Variants in VPS50 observed in about 807,000 individuals in gnomAD.
The protein encoded by VPS50 is syndetin.
VPS50 carries 70 observed loss-of-function variants against 139.7 expected under a neutral mutation model. The observed-to-expected ratio is 0.50, with a 90% CI of 0.41 to 0.61. The LOEUF (loss-of-function observed/expected upper bound fraction) is 0.61, where lower values mean the gene tolerates loss of function less well. Among genes scored for constraint, VPS50 ranks in the 20% least tolerant of loss-of-function variants. The pLI, the probability that VPS50 is intolerant of heterozygous loss-of-function variation, is 0.00. For synonymous variants in VPS50, 365 were observed against 376.7 expected (o/e 0.97, Z 0.36); for missense variants, 921 against 1,133.7 (o/e 0.81, Z 2.69).
intron 25 of VPS50, among the ~76,000 whole-genome samples, chr7:93,351,035 G>A (rs1427874553): frequency 6.6e-6 from 1 of 152,134 alleles, no homozygotes; most frequent in Non-Finnish European, 1.5e-5. Context: ...TTAAAATAGA[G>A]ATGGTAATGG....
chr7:93,357,854 G>C (rs903020527), intron 27 of VPS50, among the ~76,000 whole-genome samples: 1 of 151,910 alleles, frequency 6.6e-6, no homozygotes, highest in Non-Finnish European at 1.5e-5. Context: ...TTCATTTGTT[G>C]TATCTTAGAA....
At chr7:93,283,437 T>C (rs1796389605) in intron 12 of VPS50, among the ~76,000 whole-genome samples, 1 of 152,068 alleles carries the variant, frequency 6.6e-6, no homozygotes, top group Admixed American at 6.6e-5. Flanking sequence ...GGTTTCACCA[T>C]GTTGGTCAGG....
At chr7:93,268,785 A>G (rs1034700963) in intron 9 of VPS50, among the ~76,000 whole-genome samples, 7 of 151,962 alleles carry the variant, frequency 4.6e-5, no homozygotes, top group Admixed American at 2.6e-4. Context: ...TGCTATTCAC[A>G]TGTCTTTGTT....
At chr7:93,346,222 C>G (rs1373567861) in intron 23 of VPS50, among the ~76,000 whole-genome samples, 1 of 152,166 alleles carries the variant, frequency 6.6e-6, no homozygotes, top group East Asian at 1.9e-4. Context: ...CTCCCATTCA[C>G]AATTGCTTCA....
At chr7:93,262,754 G>A (rs1232506912) in intron 9 of VPS50, among the ~76,000 whole-genome samples, 3 of 152,156 alleles carry the variant, frequency 2.0e-5, no homozygotes, top group Admixed American at 2.0e-4. Context: ...TAGCCCCTCC[G>A]CTAGCATTTC....
chr7:93,236,832 T>G (rs543185604), intron 1 of VPS50, among the ~76,000 whole-genome samples: 2 of 152,012 alleles, frequency 1.3e-5, no homozygotes, highest in African/African-American at 4.8e-5. Flanking sequence ...AGGAAAGCAT[T>G]TCTGTCATAA....
In VPS50 at chr7:93,303,459, G is replaced by A; in HGVS notation, c.1362-1G>A. ...TGGAGTGTTCATTTTCTTTTTTTAA[G>A]AACACGGCTCGATGAACTGAGAATG... On this transcript the variant is annotated splice_acceptor_variant, in intron 16 of 27. Coordinates refer to ENST00000305866, the MANE Select transcript of VPS50 (RefSeq NM_017667.4). LOFTEE classifies it high-confidence loss of function. 6.5e-7 allele frequency: 1 copy of A among 1,529,964 alleles called. No individual in the cohort carries two copies. The highest frequency in any genetic ancestry group is 8.9e-7 in the Non-Finnish European group (1 of 1,117,468). The allele number at this position is 1,529,964 out of a possible 1,614,324, so 94.8% of individuals were successfully genotyped here.
At chr7:93,242,422 T>C (rs1795020954) in intron 2 of VPS50, among the ~76,000 whole-genome samples, 1 of 151,856 alleles carries the variant, frequency 6.6e-6, no homozygotes, top group Admixed American at 6.6e-5. Flanking sequence ...ATACAACCTT[T>C]TAAAAATGGT....
intron 9 of VPS50, 174 bp from the exon 10 acceptor site, chr7:93,271,046 C>G: frequency 1.0e-6 from 1 of 989,370 alleles, no homozygotes; most frequent in Non-Finnish European, 1.3e-6. Flanking sequence ...GACTCTTATT[C>G]CCTTCTAATA....
intron 23 of VPS50, among the ~76,000 whole-genome samples, chr7:93,347,904 C>T (rs1450389024): frequency 6.6e-6 from 1 of 150,770 alleles, no homozygotes; most frequent in Middle Eastern, 3.2e-3. Flanking sequence ...TGCAGCGCAC[C>T]AGCATGGCAC....
Position 93,239,919 on chromosome 7 carries a change from C to G in VPS50, c.87C>G (p.Leu29=). Residue 29 remains leucine, a synonymous_variant, in exon 2 of 28, where the codon CTC becomes CTG. Coordinates refer to ENST00000305866, the MANE Select transcript of VPS50 (RefSeq NM_017667.4). The part of the protein sequence containing the change: ...SLSDLGAIES[L]RVPGKEEFRE... ...GTGATCTTGGTGCCATAGAGAGTCT[C>G]CGGGTCCCTGGAAAGGTATTGAGCT... The G allele has an allele frequency of 6.2e-7, 1 of 1,602,130 alleles. No individual in the cohort carries two copies. The highest frequency in any genetic ancestry group is 8.5e-7 in the Non-Finnish European group (1 of 1,169,600).
intron 2 of VPS50, among the ~76,000 whole-genome samples, chr7:93,245,215 T>C (rs1179590398): frequency 6.6e-6 from 1 of 151,716 alleles, no homozygotes; most frequent in Non-Finnish European, 1.5e-5. Flanking sequence ...GGGTGAGTTG[T>C]TGAGTAGAGG....
At chr7:93,257,509 T>G in intron 6 of VPS50, 45 bp downstream of exon 6, 1 of 1,038,438 alleles carries the variant, frequency 9.6e-7, no homozygotes, top group East Asian at 2.4e-5. Context: ...GAACAATATT[T>G]CAAGAATAAC....
At chr7:93,347,860 A>G (rs1798446435) in intron 23 of VPS50, among the ~76,000 whole-genome samples, 1 of 150,488 alleles carries the variant, frequency 6.6e-6, no homozygotes. Flanking sequence ...TAGCACTGGG[A>G]GATATACCTA....
Position 93,271,264 on chromosome 7 carries a change from T to C in VPS50, c.702+2T>C. The C allele has an allele frequency of 6.4e-7, 1 of 1,559,078 alleles. No homozygotes were observed. Among genetic ancestry groups the C allele is most frequent in the Non-Finnish European group, 8.6e-7 (1 of 1,159,922 alleles). On this transcript the variant is annotated splice_donor_variant, in intron 10 of 27. Transcript: ENST00000305866. LOFTEE classifies it high-confidence loss of function. Reference sequence around the variant, plus strand: ...CAAGATACTTTGGAACAGATTGAGGTAAGAAGTATTATATCCTAACCTTAA... The same window carrying C: ...CAAGATACTTTGGAACAGATTGAGGCAAGAAGTATTATATCCTAACCTTAA...
chr7:93,335,207 T>C (rs933313340), intron 22 of VPS50, among the ~76,000 whole-genome samples: 1 of 152,168 alleles, frequency 6.6e-6, no homozygotes, highest in Non-Finnish European at 1.5e-5. Flanking sequence ...CAGATACTCA[T>C]GAGTACTAAG....
chr7:93,310,151 G>A (rs985459085), intron 19 of VPS50, among the ~76,000 whole-genome samples: 2 of 152,042 alleles, frequency 1.3e-5, no homozygotes, highest in African/African-American at 4.8e-5. Context: ...GAATTGAAAT[G>A]TACAAGTAAG....
At chr7:93,346,842 T>G (rs906392089) in intron 23 of VPS50, among the ~76,000 whole-genome samples, 42 of 137,620 alleles carry the variant, frequency 3.1e-4, no homozygotes, top group African/African-American at 1.2e-3. Context: ...GATTAAAGAC[T>G]TAAACGTTAG....
intron 18 of VPS50, among the ~76,000 whole-genome samples, chr7:93,307,357 G>T (rs1403705986): frequency 1.3e-5 from 2 of 151,828 alleles, no homozygotes; most frequent in African/African-American, 4.8e-5. Context: ...CGCAACACTT[G>T]CAGTGGCATT....
Sources: gnomAD v4.1 joint callset for allele counts (sites outside exome capture counted in the v4.1 genomes callset) on GRCh38, gnomAD v4.1.1 for gene constraint, MANE v1.5 for transcripts, NCBI Gene and HGNC (gene_info 2026-07-23, HGNC 2026-07-21) for gene names.